Variants in CSRNP3 observed in about 807,000 individuals in gnomAD.
CSRNP3 encodes cysteine and serine rich nuclear protein 3, also known as cysteine/serine-rich nuclear protein 3.
Under a neutral mutation model 48.0 loss-of-function variants are expected in CSRNP3, and 12 were observed. The ratio of observed to expected loss-of-function variants is 0.25; its 90% CI spans 0.16 to 0.41. CSRNP3 has a LOEUF of 0.41. Among genes scored for constraint, CSRNP3 ranks in the 10% least tolerant of loss-of-function variants. The pLI is 1.00. For synonymous variants in CSRNP3, 263 were observed against 269.7 expected (o/e 0.98, Z 0.24); for missense variants, 580 against 724.4 (o/e 0.80, Z 2.29).
intron 1 of CSRNP3, among the ~76,000 whole-genome samples, chr2:165,489,921 C>A (rs2105456165): frequency 6.7e-6 from 1 of 150,314 alleles, no homozygotes; most frequent in African/African-American, 2.5e-5. Flanking sequence ...CGCTCCTATT[C>A]AACATAGTGT....
At chr2:165,671,720 A>G (rs1300218059) in intron 5 of CSRNP3, among the ~76,000 whole-genome samples, 1 of 152,144 alleles carries the variant, frequency 6.6e-6, no homozygotes, top group Non-Finnish European at 1.5e-5. Context: ...TACTTATGCA[A>G]ATTTCTGTGT....
At chr2:165,635,951 C>T (rs1467576301) in intron 4 of CSRNP3, among the ~76,000 whole-genome samples, 3 of 152,152 alleles carry the variant, frequency 2.0e-5, no homozygotes, top group Non-Finnish European at 2.9e-5. Flanking sequence ...AGTCAACTCC[C>T]ACCATGATGC....
intron 3 of CSRNP3, among the ~76,000 whole-genome samples, chr2:165,560,676 A>G (rs1049177603): frequency 1.3e-5 from 2 of 152,184 alleles, no homozygotes; most frequent in African/African-American, 4.8e-5. Context: ...GAGTTATTCA[A>G]ATCATTCTGT....
intron 4 of CSRNP3, among the ~76,000 whole-genome samples, chr2:165,628,722 C>T (rs933561166): frequency 3.3e-5 from 5 of 151,732 alleles, no homozygotes; most frequent in African/African-American, 1.2e-4. Context: ...AAAACTCTGT[C>T]TCCAAAAAAA....
chr2:165,658,611 A>C (rs1375328510), intron 5 of CSRNP3, among the ~76,000 whole-genome samples: 1 of 152,150 alleles, frequency 6.6e-6, no homozygotes, highest in Admixed American at 6.5e-5. Flanking sequence ...ACCCGGGACT[A>C]GGTAATTTAT....
chr2:165,559,388 G>C (rs1485175803), intron 3 of CSRNP3, among the ~76,000 whole-genome samples: 2 of 152,142 alleles, frequency 1.3e-5, no homozygotes, highest in Non-Finnish European at 2.9e-5. Context: ...TAAAGGCTAA[G>C]TGAAATAGGA....
chr2:165,655,494 G>A (rs6432839), intron 4 of CSRNP3, among the ~76,000 whole-genome samples: 49,865 of 151,990 alleles, frequency 0.33, 8,339 homozygotes, highest in African/African-American at 0.35. Context: ...CATAAATGTT[G>A]AATTATAGCA....
intron 2 of CSRNP3, among the ~76,000 whole-genome samples, 159 bp from the exon 3 acceptor site, chr2:165,517,714 T>C (rs1378687098): frequency 6.6e-6 from 1 of 152,014 alleles, no homozygotes; most frequent in African/African-American, 2.4e-5. Flanking sequence ...CTAAATTATA[T>C]AGCATATGAT....
At chr2:165,602,996 C>T (rs758996068) in intron 4 of CSRNP3, among the ~76,000 whole-genome samples, 19 of 151,972 alleles carry the variant, frequency 1.3e-4, no homozygotes, top group Admixed American at 4.6e-4. Flanking sequence ...ACGGGGTTCA[C>T]GCCATTCTCC....
chr2:165,590,939 T>C (rs1352234907), intron 3 of CSRNP3, among the ~76,000 whole-genome samples: 2 of 150,396 alleles, frequency 1.3e-5, no homozygotes, highest in African/African-American at 5.0e-5. Flanking sequence ...ATACTGAAAC[T>C]GTGGAAGTGA....
At chr2:165,523,598 C>T (rs1313509757) in intron 3 of CSRNP3, among the ~76,000 whole-genome samples, 2 of 152,136 alleles carry the variant, frequency 1.3e-5, no homozygotes, top group Non-Finnish European at 2.9e-5. Flanking sequence ...ACATTGTTAA[C>T]TACATTTTTC....
chr2:165,625,105 T>A (rs1686407796), intron 4 of CSRNP3, among the ~76,000 whole-genome samples: 1 of 152,170 alleles, frequency 6.6e-6, no homozygotes, highest in African/African-American at 2.4e-5. Flanking sequence ...TTTGGTTGTG[T>A]CCTAGGCAGG....
chr2:165,511,382 G>A (rs1359028257), intron 2 of CSRNP3, among the ~76,000 whole-genome samples: 2 of 152,074 alleles, frequency 1.3e-5, no homozygotes, highest in South Asian at 2.1e-4. Flanking sequence ...GCATACAAAT[G>A]GGCATAATCT....
intron 3 of CSRNP3, among the ~76,000 whole-genome samples, chr2:165,558,150 A>G (rs1430671533): frequency 1.3e-5 from 2 of 152,270 alleles, no homozygotes; most frequent in East Asian, 1.9e-4. Context: ...GGGGGGGAAA[A>G]AACTATTGTA....
chr2:165,505,422 A>G (rs568503884), intron 2 of CSRNP3, among the ~76,000 whole-genome samples: 10 of 152,278 alleles, frequency 6.6e-5, no homozygotes, highest in Non-Finnish European at 1.3e-4. Context: ...GGGTTAAACA[A>G]TAAATTATTC....
chr2:165,544,268 A>T (rs893680235), intron 3 of CSRNP3, among the ~76,000 whole-genome samples: 9 of 152,112 alleles, frequency 5.9e-5, no homozygotes, highest in Non-Finnish European at 1.3e-4. Flanking sequence ...AATTAAAGCA[A>T]TGGCTGTCAG....
At chr2:165,527,936 G>T (rs1366705278) in intron 3 of CSRNP3, among the ~76,000 whole-genome samples, 1 of 151,584 alleles carries the variant, frequency 6.6e-6, no homozygotes. Flanking sequence ...GAGAGAGAGA[G>T]AAAGAGATAT....
intron 3 of CSRNP3, among the ~76,000 whole-genome samples, chr2:165,573,729 T>TATAAATACTATAGTATTGTGTAGTGA (rs1685406056): frequency 5.3e-5 from 8 of 152,226 alleles, no homozygotes; most frequent in Admixed American, 6.5e-5. Flanking sequence ...TATAGTGACC[T>TATAAATACTATAGTATTGTGTAGTGA]CATGTATTTG....
chr2:165,670,941 A>G (rs1372137188), intron 5 of CSRNP3, among the ~76,000 whole-genome samples: 1 of 152,234 alleles, frequency 6.6e-6, no homozygotes, highest in Non-Finnish European at 1.5e-5. Flanking sequence ...AAATGATTCA[A>G]GTCCCAGATT....
Sources: gnomAD v4.1 joint callset for allele counts (sites outside exome capture counted in the v4.1 genomes callset) on GRCh38, gnomAD v4.1.1 for gene constraint, MANE v1.5 for transcripts, NCBI Gene and HGNC (gene_info 2026-07-23, HGNC 2026-07-21) for gene names.